Variants in HHLA2 observed in about 807,000 individuals in gnomAD.
HHLA2 encodes the protein HHLA2 member of B7 family.
A neutral mutation model predicts 45.9 loss-of-function variants in HHLA2; 48 were observed. The ratio of observed to expected loss-of-function variants is 1.05; its 90% CI spans 0.83 to 1.33. HHLA2 has a LOEUF of 1.33. Among genes scored for constraint, HHLA2 ranks in the 40% most tolerant of loss-of-function variants. The pLI is 0.00. For synonymous variants in HHLA2, 161 were observed against 173.9 expected (o/e 0.93, Z 0.59); for missense variants, 462 against 494.3 (o/e 0.93, Z 0.62).
At chr3:108,320,462 G>C (rs1170968096) in intron 2 of HHLA2, among the ~76,000 whole-genome samples, 2 of 152,102 alleles carry the variant, frequency 1.3e-5, no homozygotes, top group East Asian at 3.9e-4. Flanking sequence ...GATTACTTTT[G>C]CACCAACCTA....
exon 6 of HHLA2, chr3:108,355,376 T>C (rs764162439): frequency 5.0e-6 from 8 of 1,612,252 alleles, no homozygotes; most frequent in Admixed American, 3.3e-5. Flanking sequence ...CGCTGGACGA[T>C]GAAAGGTAGG....
chr3:108,353,876 A>C, intron 5 of HHLA2, 96 bp downstream of exon 4: 1 of 833,710 alleles, frequency 1.2e-6, no homozygotes, highest in Non-Finnish European at 1.9e-6. Flanking sequence ...CTTCCTTCCA[A>C]GTCAATACAT....
At chr3:108,372,270 G>C (rs1193101004) in intron 8 of HHLA2, among the ~76,000 whole-genome samples, 1 of 151,988 alleles carries the variant, frequency 6.6e-6, no homozygotes, top group Non-Finnish European at 1.5e-5. Flanking sequence ...GATGTTCTTT[G>C]AAACCAATGA....
chr3:108,372,795 G>A (rs2107513697), intron 8 of HHLA2, among the ~76,000 whole-genome samples: 1 of 152,306 alleles, frequency 6.6e-6, no homozygotes, highest in African/African-American at 2.4e-5. Flanking sequence ...TTGAATCTCT[G>A]AATAGACCAA....
Position 108,377,509 on chromosome 3 carries a change from G to A in HHLA2, c.*231G>A, listed in dbSNP as rs1156267191. On this transcript the variant is annotated 3_prime_UTR_variant, in exon 11 of 11. Coordinates refer to ENST00000619531, the Ensembl canonical transcript of HHLA2. ...TTGAGTATAAATGCCTGGATGTTAAGGATTCCAATTTAACTTTGAAAAGAA... is the reference window on the plus strand; with the variant it reads ...TTGAGTATAAATGCCTGGATGTTAAAGATTCCAATTTAACTTTGAAAAGAA... 18 of 505,168 alleles carry A rather than the reference G, an allele frequency of 3.6e-5. No homozygotes were observed. The East Asian group carries it at 5.4e-4, about 15-fold the overall frequency. The allele number at this position is 505,168 out of a possible 1,614,324, so 31.3% of individuals were successfully genotyped here. A position where few individuals can be genotyped will look rare whatever the true frequency, so the allele number is the denominator to read the frequency against.
chr3:108,307,330 G>T (rs1361855093), intron 1 of HHLA2, among the ~76,000 whole-genome samples: 2 of 152,070 alleles, frequency 1.3e-5, no homozygotes, highest in Non-Finnish European at 2.9e-5. Flanking sequence ...GAAAAGTTAT[G>T]AAGATATTAT....
intron 6 of HHLA2, among the ~76,000 whole-genome samples, chr3:108,357,549 A>AT (rs1211081261): frequency 2.0e-5 from 3 of 151,862 alleles, no homozygotes; most frequent in Non-Finnish European, 4.4e-5. Flanking sequence ...TGGTAGCAAC[A>AT]TTCCTGAGTG....
chr3:108,368,853 G>A (rs897176432), intron 8 of HHLA2, among the ~76,000 whole-genome samples: 13 of 152,212 alleles, frequency 8.5e-5, no homozygotes, highest in African/African-American at 2.9e-4. Context: ...TTCAGAACTT[G>A]AACTCAGCTC....
At chr3:108,336,495 A>G (rs573179536) in intron 3 of HHLA2, among the ~76,000 whole-genome samples, 1 of 152,306 alleles carries the variant, frequency 6.6e-6, no homozygotes, top group African/African-American at 2.4e-5. Flanking sequence ...TGCTTTCATC[A>G]TGTAATATAT....
chr3:108,362,041 C>T (rs1247807663), intron 7 of HHLA2, among the ~76,000 whole-genome samples: 1 of 152,120 alleles, frequency 6.6e-6, no homozygotes, highest in Non-Finnish European at 1.5e-5. Context: ...CCAGCTCCCC[C>T]ACCTCCACCA....
chr3:108,347,341 T>G (rs2081681597), intron 3 of HHLA2, among the ~76,000 whole-genome samples: 1 of 152,192 alleles, frequency 6.6e-6, no homozygotes, highest in Non-Finnish European at 1.5e-5. Context: ...AAAACATGAA[T>G]TAAATAGTCC....
At chr3:108,309,458 G>A (rs988123188) in intron 1 of HHLA2, among the ~76,000 whole-genome samples, 1 of 152,022 alleles carries the variant, frequency 6.6e-6, no homozygotes, top group Admixed American at 6.6e-5. Context: ...CTCCTGTTTT[G>A]TTCTGTTTGC....
chr3:108,310,807 A>G (rs2081005702), intron 2 of HHLA2, 66 bp downstream of exon 2: 1 of 152,636 alleles, frequency 6.6e-6, no homozygotes, highest in Non-Finnish European at 1.5e-5. Context: ...AAATTTTAAT[A>G]CAACATTTAA....
intron 3 of HHLA2, among the ~76,000 whole-genome samples, chr3:108,336,134 G>C (rs2081468425): frequency 6.6e-6 from 1 of 152,006 alleles, no homozygotes; most frequent in African/African-American, 2.4e-5. Flanking sequence ...TGATCAAAAA[G>C]AAAGAATAAA....
At chr3:108,358,856 AATATTTCTATC>A (rs1332586484) in intron 7 of HHLA2, among the ~76,000 whole-genome samples, 23 of 152,188 alleles carry the variant, frequency 1.5e-4, no homozygotes, top group Non-Finnish European at 2.9e-4. Flanking sequence ...ATGTTTTAGA[AATATTTCTATC>A]ATTTCAATTG....
intron 3 of HHLA2, among the ~76,000 whole-genome samples, chr3:108,337,587 C>A (rs769900434): frequency 6.6e-6 from 1 of 152,088 alleles, no homozygotes; most frequent in African/African-American, 2.4e-5. Context: ...TGATGTCCTC[C>A]CTTAATCACT....
chr3:108,308,598 C>G (rs954559311), intron 1 of HHLA2, among the ~76,000 whole-genome samples: 1 of 152,190 alleles, frequency 6.6e-6, no homozygotes, highest in Non-Finnish European at 1.5e-5. Flanking sequence ...AACTTTTCTT[C>G]ATACTGTTGT....
chr3:108,317,708 G>A (rs1462090464), intron 2 of HHLA2, among the ~76,000 whole-genome samples: 1 of 151,470 alleles, frequency 6.6e-6, no homozygotes, highest in African/African-American at 2.4e-5. Flanking sequence ...CCAAGTAGCT[G>A]GGATCACAGG....
chr3:108,361,320 G>A (rs151298552), intron 7 of HHLA2, among the ~76,000 whole-genome samples: 91 of 152,230 alleles, frequency 6.0e-4, no homozygotes, highest in African/African-American at 2.0e-3. Flanking sequence ...ATGTCATCCC[G>A]CTCCATCCTG....
Sources: allele counts gnomAD v4.1 joint callset (sites outside exome capture counted in the v4.1 genomes callset), GRCh38; gene constraint gnomAD v4.1.1; transcripts MANE v1.5; gene names NCBI Gene and HGNC (gene_info 2026-07-23, HGNC 2026-07-21).